Variants in KCNK10 observed in about 807,000 individuals in gnomAD.
KCNK10 encodes potassium two pore domain channel subfamily K member 10.
KCNK10 carries 25 observed loss-of-function variants against 47.7 expected under a neutral mutation model. The observed-to-expected ratio is 0.52, with a 90% CI of 0.38 to 0.73. The LOEUF (loss-of-function observed/expected upper bound fraction) is 0.73. KCNK10 is among the 30% of genes least tolerant of loss of function. KCNK10 has a pLI of 0.00. For missense variants in KCNK10, 563 were observed against 714.5 expected, an observed-to-expected ratio of 0.79 and a Z score of 2.42; for synonymous variants, 303 against 285.6, an observed-to-expected ratio of 1.06 and a Z score of -0.61.
At chr14:88,265,028 TC>T (rs1245904337) in intron 1 of KCNK10, among the ~76,000 whole-genome samples, 2 of 152,210 alleles carry the variant, frequency 1.3e-5, no homozygotes, top group Non-Finnish European at 2.9e-5. Context: ...CACTGTCACA[TC>T]TTGCCTGGAC....
chr14:88,238,650 G>T (rs1886364261), intron 3 of KCNK10, among the ~76,000 whole-genome samples: 1 of 152,098 alleles, frequency 6.6e-6, no homozygotes, highest in Admixed American at 6.6e-5. Context: ...CTCCTGCGTG[G>T]GTGACACAGA....
At chr14:88,308,257 C>T (rs1308496948) in intron 1 of KCNK10, among the ~76,000 whole-genome samples, 1 of 152,182 alleles carries the variant, frequency 6.6e-6, no homozygotes, top group Non-Finnish European at 1.5e-5. Flanking sequence ...AGCCACTCAG[C>T]TGAGAGTCCT....
At position 88,231,652 on chromosome 14, in the gene KCNK10, G is replaced by A. The variant is rs186678724; in HGVS notation, c.521-4117C>T. Among the ~76,000 whole-genome samples the A allele has an allele frequency of 7.2e-5, 11 of 152,312 alleles. No homozygotes were observed. The East Asian group carries it at 2.1e-3, about 29-fold the overall frequency. On this transcript the variant is annotated intron_variant, in intron 3 of 6. Coordinates refer to ENST00000319231, the MANE Select transcript of KCNK10 (RefSeq NM_138317.3). ...CCACCAGCTGAGCCAATAATCAAAG[G>A]CAGGTGGGACTTTCTCACGTTGAAT...
At chr14:88,257,610 C>T (rs1431364425) in intron 2 of KCNK10, among the ~76,000 whole-genome samples, 2 of 152,182 alleles carry the variant, frequency 1.3e-5, no homozygotes, top group Non-Finnish European at 2.9e-5. Context: ...GGCAGTAAAC[C>T]CTGGATCCTC....
intron 1 of KCNK10, among the ~76,000 whole-genome samples, chr14:88,311,509 C>G (rs571751049): frequency 5.3e-5 from 8 of 152,254 alleles, no homozygotes; most frequent in African/African-American, 1.9e-4. Flanking sequence ...TTGCCTTTCT[C>G]TGTTCATTTA....
At chr14:88,236,517 C>T (rs1034048045) in intron 3 of KCNK10, among the ~76,000 whole-genome samples, 5 of 152,112 alleles carry the variant, frequency 3.3e-5, no homozygotes, top group African/African-American at 4.8e-5. Flanking sequence ...AGCAAAAGGA[C>T]TAGAGATGAA....
intron 4 of KCNK10, among the ~76,000 whole-genome samples, chr14:88,225,012 A>G (rs1457674685): frequency 1.3e-5 from 2 of 152,234 alleles, no homozygotes; most frequent in Non-Finnish European, 2.9e-5. Context: ...ACACTCATTG[A>G]GCAGAAGAAA....
At chr14:88,263,165 C>T (rs768313545) in intron 2 of KCNK10, 37 bp downstream of exon 2, 4 of 1,539,954 alleles carry the variant, frequency 2.6e-6, no homozygotes, top group Non-Finnish European at 3.6e-6. Flanking sequence ...CCATCCACCC[C>T]ACCAGCTGGC....
upstream of KCNK10, chr14:88,326,280 G>A (rs1179487396): frequency 6.2e-6 from 4 of 643,770 alleles, no homozygotes; most frequent in South Asian, 1.8e-5. Context: ...CCTCAACTGC[G>A]TATTTGGAGT....
intron 3 of KCNK10, chr14:88,235,441 T>C (rs1886274113): frequency 3.0e-6 from 1 of 334,968 alleles, no homozygotes; most frequent in Non-Finnish European, 5.9e-6. Flanking sequence ...TATGAAATAA[T>C]CATCTCTAAG....
intron 1 of KCNK10, among the ~76,000 whole-genome samples, chr14:88,272,745 T>C (rs1157140821): frequency 1.3e-5 from 2 of 151,966 alleles, no homozygotes; most frequent in Admixed American, 6.6e-5. Flanking sequence ...GTAAGAGACA[T>C]GCAGCAAGTG....
intron 1 of KCNK10, among the ~76,000 whole-genome samples, chr14:88,316,666 C>T (rs2139805180): frequency 6.6e-6 from 1 of 152,308 alleles, no homozygotes; most frequent in Non-Finnish European, 1.5e-5. Context: ...TTATAAGAAT[C>T]AGAGTACTGA....
At chr14:88,324,043 T>G (rs1186855281), upstream of KCNK10, among the ~76,000 whole-genome samples, 1 of 152,152 alleles carries the variant, frequency 6.6e-6, no homozygotes, top group Non-Finnish European at 1.5e-5. Flanking sequence ...GCAGCCGGAC[T>G]GGGGCCGCTG....
At chr14:88,206,046 T>C (rs984008174) in intron 4 of KCNK10, among the ~76,000 whole-genome samples, 1 of 152,200 alleles carries the variant, frequency 6.6e-6, no homozygotes, top group Non-Finnish European at 1.5e-5. Flanking sequence ...CACATATGCA[T>C]ATAATAAATA....
chr14:88,270,194 C>T (rs1887368781), intron 1 of KCNK10, among the ~76,000 whole-genome samples: 1 of 151,990 alleles, frequency 6.6e-6, no homozygotes, highest in Non-Finnish European at 1.5e-5. Context: ...TCCCAGGTTA[C>T]AGCTCAGCCT....
At position 88,184,659 on chromosome 14, in the gene KCNK10, T is replaced by C. The variant is rs896393349; in HGVS notation, c.*876A>G. The C allele has an allele frequency of 6.6e-6, 1 of 152,326 alleles. No individual in the cohort carries two copies. Among genetic ancestry groups the C allele is most frequent in the African/African-American group, 2.4e-5 (1 of 41,446 alleles). 9.4% of individuals were successfully genotyped at this position (152,326 alleles called of 1,614,324 possible). ...GCAATTGTTTTGGTATTTCTACCCC[T>C]CTTATCAAAACAAGTTATAACCAAA... On this transcript the variant is annotated 3_prime_UTR_variant, in exon 7 of 7. Coordinates refer to ENST00000319231, the MANE Select transcript of KCNK10 (RefSeq NM_138317.3).
chr14:88,223,137 C>A (rs1885872128), intron 4 of KCNK10, among the ~76,000 whole-genome samples: 1 of 152,162 alleles, frequency 6.6e-6, no homozygotes, highest in Non-Finnish European at 1.5e-5. Flanking sequence ...AAACTACAAC[C>A]TTGCACAAAA....
chr14:88,306,426 T>C (rs779897226), intron 1 of KCNK10, among the ~76,000 whole-genome samples: 12 of 152,158 alleles, frequency 7.9e-5, no homozygotes, highest in Non-Finnish European at 1.8e-4. Context: ...TTCCCTAGAA[T>C]AGCATGTGAG....
chr14:88,301,804 G>T (rs935635872), intron 1 of KCNK10, among the ~76,000 whole-genome samples: 9 of 151,160 alleles, frequency 6.0e-5, no homozygotes, highest in African/African-American at 2.2e-4. Flanking sequence ...TCAGGGTGCT[G>T]CAGGCCAGCA....
Sources: gnomAD v4.1 joint callset for allele counts (sites outside exome capture counted in the v4.1 genomes callset) on GRCh38, gnomAD v4.1.1 for gene constraint, MANE v1.5 for transcripts, NCBI Gene and HGNC (gene_info 2026-07-23, HGNC 2026-07-21) for gene names.